The following TAC1 variants were observed in gnomAD, a reference collection of about 807,000 sequenced individuals.
TAC1 encodes tachykinin precursor 1.
A neutral mutation model predicts 21.7 loss-of-function variants in TAC1; 12 were observed. That is an observed-to-expected ratio of 0.55 (90% CI 0.35 to 0.89). The LOEUF (loss-of-function observed/expected upper bound fraction) is 0.89. Among genes scored for constraint, TAC1 ranks in the 40% least tolerant of loss-of-function variants. TAC1 has a pLI of 0.01. For missense variants in TAC1, 128 were observed against 151.4 expected, an observed-to-expected ratio of 0.85 and a Z score of 0.81; for synonymous variants, 52 against 52.0, an observed-to-expected ratio of 1.00 and a Z score of 0.00.
In TAC1 at chr7:97,733,765, G is replaced by T. The variant is rs759207877; in HGVS notation, c.166G>T (p.Ala56Ser). The T allele has an allele frequency of 2.5e-6, 4 of 1,614,116 alleles. No homozygotes were observed. The East Asian group carries it at 6.7e-5, about 27-fold the overall frequency. The change falls in exon 3 of 7, where the codon GCC becomes TCC. Residue 56 changes from alanine to serine, a missense_variant. Physicochemically the swap from Ala to Ser is moderately conservative, Grantham distance 99. Transcript: ENST00000319273. ...CTTTGAGCATCTTCTGCAGAGAATC[G>T]CCCGGAGACCCAAGCCTCAGCAGTT... is the stretch of plus-strand genomic sequence containing the variant. ...EPFEHLLQRI[A>S]RRPKPQQFFG...
At chr7:97,739,611 A>G (rs1177486857) in intron 6 of TAC1, among the ~76,000 whole-genome samples, 1 of 152,058 alleles carries the variant, frequency 6.6e-6, no homozygotes, top group African/African-American at 2.4e-5. Context: ...CAACACTGCA[A>G]TATATTGTGG....
chr7:97,734,459 G>GTC (rs771015900), intron 4 of TAC1, among the ~76,000 whole-genome samples, 167 bp downstream of exon 4: 39 of 150,460 alleles, frequency 2.6e-4, no homozygotes, highest in African/African-American at 5.4e-4. Flanking sequence ...CACTCTCTCT[G>GTC]TCTCTCTCTC....
intron 6 of TAC1, among the ~76,000 whole-genome samples, chr7:97,739,066 T>A (rs1386822026): frequency 6.6e-6 from 1 of 150,550 alleles, no homozygotes; most frequent in African/African-American, 2.4e-5. Flanking sequence ...TTAAATTACT[T>A]GCTAGCTATA....
At chr7:97,739,664 G>T (rs1293963417) in intron 6 of TAC1, among the ~76,000 whole-genome samples, 1 of 152,030 alleles carries the variant, frequency 6.6e-6, no homozygotes, top group Non-Finnish European at 1.5e-5. Flanking sequence ...AATGATGAAT[G>T]AAACCGAGTT....
rs780391486 is a variant in TAC1 at position 97,736,316 on chromosome 7, T to A, written c.307T>A (p.Phe103Ile). The A allele has an allele frequency of 1.6e-5, 26 of 1,611,672 alleles. No homozygotes were observed. The African/African-American group carries it at 3.2e-4, about 20-fold the overall frequency. Residue 103 changes from phenylalanine to isoleucine, a missense_variant, in exon 6 of 7, where the codon TTT becomes ATT. Phe to Ile is a conservative substitution (Grantham distance 21). Transcript: ENST00000319273. Reference sequence around the variant, plus strand: ...TTTTCCAGGACATAAAACAGATTCCTTTGTTGGACTAATGGGCAAAAGAGC... The same window carrying A: ...TTTTCCAGGACATAAAACAGATTCCATTGTTGGACTAATGGGCAAAAGAGC... ...ISHKRHKTDS[F>I]VGLMGKRALN...
At chr7:97,734,396 T>TTTA (rs1789512235) in intron 4 of TAC1, 104 bp downstream of exon 4, 3 of 998,052 alleles carry the variant, frequency 3.0e-6, no homozygotes, top group Non-Finnish European at 4.5e-6. Context: ...GTCATGCCTG[T>TTTA]TTAATAAAGA....
intron 4 of TAC1, 108 bp from the exon 5 acceptor site, chr7:97,734,718 G>T: frequency 1.2e-6 from 1 of 832,360 alleles, no homozygotes; most frequent in Non-Finnish European, 1.9e-6. Context: ...ATAATATATA[G>T]ATAGAAAATG....
Position 97,734,245 on chromosome 7 carries a change from C to T in TAC1, c.221-3C>T. 3.7e-6 allele frequency: 6 copies of T among 1,613,830 alleles called. No homozygotes were observed. Among genetic ancestry groups the T allele is most frequent in the Non-Finnish European group, 5.1e-6 (6 of 1,179,764 alleles). On this transcript the variant is annotated splice_polypyrimidine_tract_variant and splice_region_variant and intron_variant, in intron 3 of 6. Transcript: ENST00000319273. ...TAGTTAATGACAATTCGTCTCTTGT[C>T]AGATTCCTCAATTGAAAAACAAGTG...
intron 3 of TAC1, 96 bp from the exon 4 acceptor site, chr7:97,734,152 T>G: frequency 4.4e-5 from 53 of 1,208,260 alleles, no homozygotes; most frequent in Non-Finnish European, 5.8e-5. Context: ...TTCCCTGAGG[T>G]GAGAGTACAT....
Position 97,732,489 on chromosome 7 carries a change from A to T in TAC1, c.-9-115A>T. ...TGAGACTTCAGTCCTTATGTTTTTG[A>T]TCTTGGTTCATCCGTTGTGGGGCAG... On this transcript the variant is annotated intron_variant, in intron 1 of 6. Coordinates refer to ENST00000319273, the MANE Select transcript of TAC1 (RefSeq NM_003182.3). The surrounding 1 kb of genome is among the most constrained non-coding windows in gnomAD (Gnocchi z 6.2). The T allele has an allele frequency of 8.0e-7, 1 of 1,245,180 alleles. No individual in the cohort carries two copies. The highest frequency in any genetic ancestry group is 1.1e-6 in the Non-Finnish European group (1 of 881,462). The allele number at this position is 1,245,180 out of a possible 1,614,324, so 77.1% of individuals were successfully genotyped here. A position where few individuals can be genotyped will look rare whatever the true frequency, so the allele number is the denominator to read the frequency against.
rs1368109105 is a variant in TAC1, at chr7:97,732,906, A to T, written c.123+171A>T. On this transcript the variant is annotated intron_variant, in intron 2 of 6. Transcript: ENST00000319273. This position sits in a 1 kb window ranked among gnomAD's most constrained non-coding sequence, Gnocchi z 6.2. ...CACTATTTCCCGGGTTCCCCACGGG[A>T]TTTTGTGCCCACGATTCAAGTTTCT... is the stretch of plus-strand genomic sequence containing the variant. 1.1e-6 allele frequency: 1 copy of T among 894,382 alleles called. No individual in the cohort carries two copies. Among genetic ancestry groups the T allele is most frequent in the Non-Finnish European group, 1.6e-6 (1 of 610,014 alleles). 55.4% of individuals were successfully genotyped at this position (894,382 alleles called of 1,614,324 possible). A position where few individuals can be genotyped will look rare whatever the true frequency, so the allele number is the denominator to read the frequency against.
intron 6 of TAC1, among the ~76,000 whole-genome samples, chr7:97,739,632 TG>T (rs1789657404): frequency 6.6e-6 from 1 of 152,016 alleles, no homozygotes; most frequent in Admixed American, 6.6e-5. Context: ...AAATATGCTT[TG>T]GGGGCACCAA....
In TAC1 at chr7:97,740,245, A is replaced by G. The variant is rs982880412; in HGVS notation, c.*325A>G. ...GAAGCAGTTGTGTCAGCTACTGCGG[A>G]AAAGGAAGGAAACTCCTGACAGTCT... On this transcript the variant is annotated 3_prime_UTR_variant, in exon 7 of 7. Coordinates refer to ENST00000319273, the MANE Select transcript of TAC1 (RefSeq NM_003182.3). The G allele has an allele frequency of 1.8e-4, 32 of 182,526 alleles. No homozygotes were observed. In the Middle Eastern group the frequency reaches 6.4e-3, roughly 37 times the overall value. 11.3% of individuals were successfully genotyped at this position (182,526 alleles called of 1,614,324 possible).
At chr7:97,736,181 G>A in intron 5 of TAC1, 118 bp from the exon 6 acceptor site, 1 of 742,654 alleles carries the variant, frequency 1.3e-6, no homozygotes, top group South Asian at 2.6e-5. Flanking sequence ...ACCAAAACTT[G>A]AAGTAGATAG....
At position 97,732,848 on chromosome 7, in the gene TAC1, G is replaced by A. The variant is rs994874894; in HGVS notation, c.123+113G>A. On this transcript the variant is annotated intron_variant, in intron 2 of 6. Coordinates refer to ENST00000319273, the MANE Select transcript of TAC1 (RefSeq NM_003182.3). This position sits in a 1 kb window ranked among gnomAD's most constrained non-coding sequence, Gnocchi z 6.2. Reference sequence around the variant, plus strand: ...GGCACGCACCGCCACCACGGAAAGAGGCAGCGGTTGCGTGCGAGAGGATGG... The same window carrying A: ...GGCACGCACCGCCACCACGGAAAGAAGCAGCGGTTGCGTGCGAGAGGATGG... 2.2e-6 allele frequency: 3 copies of A among 1,378,466 alleles called. No individual in the cohort carries two copies. The highest frequency in any genetic ancestry group is 1.4e-5 in the African/African-American group (1 of 69,214). The allele number at this position is 1,378,466 out of a possible 1,614,324, so 85.4% of individuals were successfully genotyped here.
intron 6 of TAC1, among the ~76,000 whole-genome samples, chr7:97,738,301 C>A (rs185210934): frequency 1.6e-4 from 24 of 152,082 alleles, no homozygotes. Context: ...CCCAGAGAAA[C>A]CCTCATCAGC....
At chr7:97,734,752 ATTT>A (rs1197437036) in intron 4 of TAC1, 71 bp from the exon 5 acceptor site, 1 of 1,140,158 alleles carries the variant, frequency 8.8e-7, no homozygotes, top group African/African-American at 1.6e-5. Context: ...GAATCAAATT[ATTT>A]TATAAAAGAT....
At chr7:97,733,589 C>A in intron 2 of TAC1, 134 bp from the exon 3 acceptor site, 1 of 757,518 alleles carries the variant, frequency 1.3e-6, no homozygotes, top group Non-Finnish European at 2.1e-6. Flanking sequence ...GGAGGGACCC[C>A]GCTCAGCCCG....
At chr7:97,738,279 T>TA (rs1789621455) in intron 6 of TAC1, among the ~76,000 whole-genome samples, 1 of 152,064 alleles carries the variant, frequency 6.6e-6, no homozygotes, top group African/African-American at 2.4e-5. Context: ...TAAATCTAGA[T>TA]AGATGCCCTT....
Sources: gnomAD v4.1 joint callset for allele counts (sites outside exome capture counted in the v4.1 genomes callset) on GRCh38, gnomAD v4.1.1 for gene constraint, Gnocchi (gnomAD v3.1) non-coding constraint, MANE v1.5 for transcripts, NCBI Gene and HGNC (gene_info 2026-07-23, HGNC 2026-07-21) for gene names.